NUP210L: variants seen among roughly 807,000 people sequenced by gnomAD.
The protein encoded by NUP210L is nucleoporin 210 like.
A neutral mutation model predicts 208.5 loss-of-function variants in NUP210L; 74 were observed. The observed-to-expected ratio is 0.35, with a 90% CI of 0.29 to 0.43. NUP210L has a LOEUF of 0.43. NUP210L is among the 20% of genes least tolerant of loss of function. The pLI, the probability that NUP210L is intolerant of heterozygous loss-of-function variation, is 1.00. For missense variants in NUP210L, 1,843 were observed against 2,289.4 expected (o/e 0.81, Z 3.98); for synonymous variants, 780 against 816.9 (o/e 0.95, Z 0.77).
intron 37 of NUP210L, 57 bp downstream of exon 37, chr1:154,000,799 A>G: frequency 6.8e-7 from 1 of 1,465,070 alleles, no homozygotes; most frequent in Non-Finnish European, 9.5e-7. Flanking sequence ...GTACTAATGT[A>G]ATACATTCTT....
rs776881344 is a variant in NUP210L at position 154,054,208 on chromosome 1, G to A, written c.3483+20C>T. 1.2e-6 allele frequency: 2 copies of A among 1,612,812 alleles called. No individual in the cohort carries two copies. The highest frequency in any genetic ancestry group is 2.2e-5 in the South Asian group (2 of 91,032). On this transcript the variant is annotated intron_variant, in intron 25 of 39. Transcript: ENST00000368559. ...TCCTCAATAGAAGAATAGAAGCAGA[G>A]CAGAGCAAATAACCAATACCTGAGA...
At chr1:154,131,893 C>T (rs1277572642) in intron 7 of NUP210L, among the ~76,000 whole-genome samples, 2 of 152,160 alleles carry the variant, frequency 1.3e-5, no homozygotes, top group African/African-American at 2.4e-5. Context: ...CAACTTCTGC[C>T]TCCTAGGTTC....
intron 16 of NUP210L, among the ~76,000 whole-genome samples, chr1:154,074,261 T>A (rs780318449): frequency 6.6e-6 from 1 of 152,130 alleles, no homozygotes; most frequent in Non-Finnish European, 1.5e-5. Context: ...CCATTGATGA[T>A]CTTTGCCAGG....
chr1:154,002,204 T>C (rs750515326), intron 35 of NUP210L, among the ~76,000 whole-genome samples: 2 of 152,118 alleles, frequency 1.3e-5, no homozygotes, highest in African/African-American at 2.4e-5. Context: ...TAAACTTGTT[T>C]TCTGAGAATA....
In NUP210L at chr1:154,066,047, G is replaced by A. The variant is rs543658697; in HGVS notation, c.2554+4226C>T. ...ACTACCGGGTAAACAACGAAATGAA[G>A]GCAGAAATAAAGATGTTCTTTGAAA... On this transcript the variant is annotated intron_variant, in intron 17 of 39. Transcript: ENST00000368559. Among the ~76,000 whole-genome samples the A allele has an allele frequency of 5.3e-5, 8 of 151,700 alleles. No homozygotes were observed. In the South Asian group the frequency reaches 6.2e-4, roughly 12 times the overall value.
At chr1:154,020,334 C>T (rs1051185720) in intron 32 of NUP210L, among the ~76,000 whole-genome samples, 3 of 152,190 alleles carry the variant, frequency 2.0e-5, no homozygotes, top group Admixed American at 6.6e-5. Flanking sequence ...AGAATTCACA[C>T]TCATTTCCTA....
exon 11 of NUP210L, chr1:154,118,676 C>A: frequency 6.3e-7 from 1 of 1,590,992 alleles, no homozygotes; most frequent in Non-Finnish European, 8.6e-7. Context: ...CATACCTGTA[C>A]TTTATAACGA....
intron 16 of NUP210L, among the ~76,000 whole-genome samples, chr1:154,086,037 C>T (rs1433125864): frequency 6.6e-6 from 1 of 151,760 alleles, no homozygotes; most frequent in African/African-American, 2.4e-5. Flanking sequence ...TATGGTGAAA[C>T]CCTGTCTCTA....
intron 15 of NUP210L, among the ~76,000 whole-genome samples, chr1:154,092,433 G>C (rs1172233485): frequency 6.7e-6 from 1 of 150,250 alleles, no homozygotes; most frequent in African/African-American, 2.5e-5. Context: ...GCAGTGGCGC[G>C]ATCTCAGCTC....
At chr1:154,022,405 G>T in intron 31 of NUP210L, 62 bp from the exon 32 acceptor site, 1 of 1,325,146 alleles carries the variant, frequency 7.5e-7, no homozygotes, top group Non-Finnish European at 1.1e-6. Flanking sequence ...AAATAGTTCT[G>T]GAGAACACCC....
intron 2 of NUP210L, 136 bp from the exon 3 acceptor site, chr1:154,143,713 T>C (rs1262856047): frequency 1.5e-6 from 1 of 652,996 alleles, no homozygotes; most frequent in Non-Finnish European, 2.4e-6. Context: ...TGGAAGAAAA[T>C]AGCATAATAA....
At chr1:153,995,294 C>G (rs916802153) in intron 37 of NUP210L, 114 bp from the exon 38 acceptor site, 1 of 718,570 alleles carries the variant, frequency 1.4e-6, no homozygotes, top group Non-Finnish European at 2.4e-6. Context: ...CTCTGTCCCC[C>G]AGGCTGGAGG....
At chr1:154,007,351 T>A (rs1650624442) in intron 35 of NUP210L, among the ~76,000 whole-genome samples, 1 of 146,626 alleles carries the variant, frequency 6.8e-6, no homozygotes, top group Admixed American at 6.8e-5. Context: ...CAACCTCCAC[T>A]TCCTGGGTTC....
intron 13 of NUP210L, among the ~76,000 whole-genome samples, chr1:154,103,668 T>A (rs1571276139): frequency 8.8e-6 from 1 of 114,148 alleles, no homozygotes; most frequent in African/African-American, 3.4e-5. Context: ...CGAGACTCCG[T>A]CTCAAAAAAA....
At chr1:154,078,803 C>A (rs768705083) in intron 16 of NUP210L, 8 of 151,906 alleles carry the variant, frequency 5.3e-5, no homozygotes, top group Non-Finnish European at 8.8e-5. Flanking sequence ...ATCCTTAGGG[C>A]AATAATTAAT....
At chr1:154,055,147 CTTTCTTTCTTTCTTTCT>C in intron 23 of NUP210L, among the ~76,000 whole-genome samples, 1 of 87,036 alleles carries the variant, frequency 1.1e-5, no homozygotes, top group Non-Finnish European at 2.1e-5. Context: ...TTCTTTCTTT[CTTTCTTTCTTTCTTTCT>C]TTCTTTCTTT....
rs954141113 is a variant in NUP210L at position 154,125,982 on chromosome 1, A to G, written c.1326+341T>C. ...ACGGGGTTTCACCGTTTTAGCCGGG[A>G]TGGTCTCGATCTCCTGACCTCGTGA... On this transcript the variant is annotated intron_variant, in intron 10 of 39. Transcript: ENST00000368559. Among the ~76,000 whole-genome samples the G allele has an allele frequency of 4.6e-5, 7 of 150,898 alleles. No individual in the cohort carries two copies. The Admixed American group carries it at 4.6e-4, about 10-fold the overall frequency.
In NUP210L at chr1:154,018,134, G is replaced by A. The variant is rs1323266997; in HGVS notation, c.4653+799C>T. 2.6e-5 allele frequency among the ~76,000 whole-genome samples: 4 copies of A among 151,794 alleles called. No homozygotes were observed. In the East Asian group the frequency reaches 7.8e-4, roughly 29 times the overall value. ...CTACAGATGTGAGCCACCAGGCCCGGCTAATTTTTGTATTTTTAGTAGTGA... is the reference window on the plus strand; with the variant it reads ...CTACAGATGTGAGCCACCAGGCCCGACTAATTTTTGTATTTTTAGTAGTGA... On this transcript the variant is annotated intron_variant, in intron 33 of 39. Transcript: ENST00000368559.
At chr1:154,120,406 T>A (rs1454212338) in intron 10 of NUP210L, among the ~76,000 whole-genome samples, 1 of 151,878 alleles carries the variant, frequency 6.6e-6, no homozygotes, top group Admixed American at 6.6e-5. Flanking sequence ...ATGCTCTCAC[T>A]CATAGGTGGG....
Sources: allele counts gnomAD v4.1 joint callset (sites outside exome capture counted in the v4.1 genomes callset), GRCh38; gene constraint gnomAD v4.1.1; transcripts MANE v1.5; gene names NCBI Gene and HGNC (gene_info 2026-07-23, HGNC 2026-07-21).